The following PDE4D variants were observed in gnomAD, a reference collection of about 807,000 sequenced individuals.
PDE4D encodes 3',5'-cyclic-AMP phosphodiesterase 4D.
Under a neutral mutation model 87.4 loss-of-function variants are expected in PDE4D, and 24 were observed. That is an observed-to-expected ratio of 0.27 (90% CI 0.20 to 0.39). The LOEUF (loss-of-function observed/expected upper bound fraction) is 0.39. PDE4D is among the 10% of genes least tolerant of loss of function. PDE4D has a pLI of 1.00. For missense variants in PDE4D, 714 were observed against 1,041.0 expected (o/e 0.69, Z 4.32); for synonymous variants, 384 against 383.2 (o/e 1.00, Z -0.02).
intron 5 of PDE4D, among the ~76,000 whole-genome samples, chr5:59,128,545 A>T (rs986493506): frequency 4.6e-5 from 7 of 152,266 alleles, no homozygotes; most frequent in South Asian, 4.1e-4. Flanking sequence ...ATTATGGTCC[A>T]AATCTACCCT....
At chr5:59,010,625 G>A (rs908657288) in intron 6 of PDE4D, among the ~76,000 whole-genome samples, 2 of 152,058 alleles carry the variant, frequency 1.3e-5, no homozygotes, top group African/African-American at 4.8e-5. Context: ...ATTCTAGGCT[G>A]TAAGTACCAT....
intron 6 of PDE4D, among the ~76,000 whole-genome samples, chr5:59,020,039 G>C (rs1017714459): frequency 4.6e-5 from 7 of 152,122 alleles, no homozygotes; most frequent in African/African-American, 1.7e-4. Flanking sequence ...CTGGGTTGTG[G>C]TTGTTTGCAG....
chr5:59,977,597 G>A (rs1761473598), intron 3 of PDE4D, among the ~76,000 whole-genome samples: 1 of 152,192 alleles, frequency 6.6e-6, no homozygotes, highest in African/African-American at 2.4e-5. Context: ...GGAGTGTGAA[G>A]TGAAGCAGCA....
chr5:59,275,971 C>T, intron 1 of PDE4D: 3 of 985,196 alleles, frequency 3.0e-6, no homozygotes, highest in Non-Finnish European at 3.6e-6. Flanking sequence ...GCTGATTTAC[C>T]TGCGAAAGTA....
At chr5:59,791,401 G>T (rs1765773462) in intron 1 of PDE4D, among the ~76,000 whole-genome samples, 1 of 152,184 alleles carries the variant, frequency 6.6e-6, no homozygotes, top group Non-Finnish European at 1.5e-5. Flanking sequence ...GTGAATTCTG[G>T]TTCTTCTCAG....
intron 1 of PDE4D, among the ~76,000 whole-genome samples, chr5:59,847,453 G>A (rs948805219): frequency 5.9e-5 from 9 of 152,078 alleles, no homozygotes; most frequent in East Asian, 1.9e-4. Flanking sequence ...TGAGGTGTAC[G>A]GGGAGGGTAC....
chr5:59,458,660 G>A (rs1227311840), intron 1 of PDE4D, among the ~76,000 whole-genome samples: 2 of 152,212 alleles, frequency 1.3e-5, no homozygotes, highest in Non-Finnish European at 2.9e-5. Context: ...AACAAACCCA[G>A]ATTGGTACCT....
intron 1 of PDE4D, among the ~76,000 whole-genome samples, chr5:60,375,819 T>A (rs1761385636): frequency 6.6e-6 from 1 of 152,150 alleles, no homozygotes; most frequent in African/African-American, 2.4e-5. Flanking sequence ...GGTGGGCAGA[T>A]CATGAGGTCA....
intron 1 of PDE4D, among the ~76,000 whole-genome samples, chr5:60,482,611 A>G (rs1249837147): frequency 1.3e-5 from 2 of 152,202 alleles, no homozygotes; most frequent in African/African-American, 4.8e-5. Context: ...ATGAATGAGA[A>G]GAATCTGCCC....
chr5:59,761,385 T>C (rs1479222181), intron 1 of PDE4D, among the ~76,000 whole-genome samples: 3 of 152,166 alleles, frequency 2.0e-5, no homozygotes, highest in African/African-American at 7.2e-5. Context: ...TTCTTTGATA[T>C]AAGTTAATTT....
At chr5:59,065,937 A>C (rs1763860101) in intron 5 of PDE4D, among the ~76,000 whole-genome samples, 1 of 152,134 alleles carries the variant, frequency 6.6e-6, no homozygotes, top group Non-Finnish European at 1.5e-5. Context: ...TCTCATAAAG[A>C]AGACTAAAAG....
At chr5:60,113,870 ACTGCCAGGTTTACAG>A (rs1331736652) in intron 2 of PDE4D, among the ~76,000 whole-genome samples, 6 of 152,132 alleles carry the variant, frequency 3.9e-5, no homozygotes, top group African/African-American at 1.4e-4. Context: ...GCCACCTAAA[ACTGCCAGGTTTACAG>A]GTGATCCCTC....
intron 1 of PDE4D, among the ~76,000 whole-genome samples, chr5:60,256,684 C>A (rs1038004116): frequency 6.6e-6 from 1 of 151,764 alleles, no homozygotes; most frequent in East Asian, 1.9e-4. Context: ...ATTTGTAAGG[C>A]AACATATTTT....
At chr5:60,066,424 ATAG>A (rs1772099346) in intron 2 of PDE4D, among the ~76,000 whole-genome samples, 1 of 152,066 alleles carries the variant, frequency 6.6e-6, no homozygotes, top group Admixed American at 6.6e-5. Context: ...TTTTGATAAG[ATAG>A]TAGACTTTTT....
chr5:60,160,609 T>C lies in PDE4D; in HGVS notation c.42+24948A>G, dbSNP rs565996138. On this transcript the variant is annotated intron_variant, in intron 2 of 16. Coordinates refer to the PDE4D transcript ENST00000502484. ...TTCTTTATTAGTCCTTCCTTTCTAATCTATCAAATCTCATTGGTTTGTCTC... is the reference window on the plus strand; with the variant it reads ...TTCTTTATTAGTCCTTCCTTTCTAACCTATCAAATCTCATTGGTTTGTCTC... 2.6e-5 allele frequency among the ~76,000 whole-genome samples: 4 copies of C among 152,304 alleles called. 1 individual carries two copies. The highest frequency in any genetic ancestry group is 9.6e-5 in the African/African-American group (4 of 41,566).
At chr5:60,183,855 C>T (rs531400647) in intron 2 of PDE4D, among the ~76,000 whole-genome samples, 51 of 152,236 alleles carry the variant, frequency 3.4e-4, no homozygotes, top group African/African-American at 1.1e-3. Context: ...CCTAAAGTGA[C>T]AACTTCTAAC....
At chr5:59,293,204 G>A (rs1283249094) in intron 1 of PDE4D, among the ~76,000 whole-genome samples, 1 of 152,092 alleles carries the variant, frequency 6.6e-6, no homozygotes, top group Non-Finnish European at 1.5e-5. Flanking sequence ...CCAAACTAAA[G>A]CAATAATATG....
At chr5:59,010,633 C>T (rs949445765) in intron 6 of PDE4D, among the ~76,000 whole-genome samples, 1 of 152,126 alleles carries the variant, frequency 6.6e-6, no homozygotes, top group Middle Eastern at 3.4e-3. Flanking sequence ...CTGTAAGTAC[C>T]ATGTCAGCTG....
At chr5:59,673,882 A>T (rs1033660207) in intron 1 of PDE4D, among the ~76,000 whole-genome samples, 8 of 152,146 alleles carry the variant, frequency 5.3e-5, no homozygotes, top group Non-Finnish European at 7.4e-5. Context: ...TCAACTTACC[A>T]TTGGTTTAGT....
Sources: gnomAD v4.1 joint callset for allele counts (sites outside exome capture counted in the v4.1 genomes callset) on GRCh38, gnomAD v4.1.1 for gene constraint, MANE v1.5 for transcripts, NCBI Gene and HGNC (gene_info 2026-07-23, HGNC 2026-07-21) for gene names.